Variants in NCOR1 observed in about 807,000 individuals in gnomAD.
NCOR1 encodes the protein nuclear receptor corepressor 1.
NCOR1 carries 63 observed loss-of-function variants against 288.1 expected under a neutral mutation model. The ratio of observed to expected loss-of-function variants is 0.22; its 90% CI spans 0.18 to 0.27. The LOEUF is 0.27. NCOR1 is among the 10% of genes least tolerant of loss of function. The probability of loss-of-function intolerance (pLI) is 1.00; values close to 1 mark genes in which losing one functional copy is unlikely to be tolerated. For missense variants in NCOR1, 2,397 were observed against 3,019.2 expected (o/e 0.79, Z 4.83); for synonymous variants, 1,007 against 1,065.9 (o/e 0.94, Z 1.08).
intron 22 of NCOR1, chr17:16,091,434 G>T: frequency 2.0e-6 from 1 of 488,264 alleles, no homozygotes; most frequent in Non-Finnish European, 2.7e-6. Context: ...TGAAGGCTTA[G>T]CCAGCGTCTG....
At chr17:16,075,726 A>G (rs2062360866) in intron 26 of NCOR1, 24 bp from the exon 27 acceptor site, 2 of 1,612,354 alleles carry the variant, frequency 1.2e-6, no homozygotes, top group African/African-American at 2.7e-5. Context: ...AAGCATAAAT[A>G]GCAGAGGAGT....
chr17:16,029,520 G>A lies in NCOR1; in HGVS notation c.*2776C>T. Reference sequence around the variant, plus strand: ...ATAAACATGCAGTGGAAAACTGGCTGTCAGAATACTTTTATGAAGAGTATT... The same window carrying A: ...ATAAACATGCAGTGGAAAACTGGCTATCAGAATACTTTTATGAAGAGTATT... On this transcript the variant is annotated 3_prime_UTR_variant, in exon 46 of 46. Coordinates refer to ENST00000268712, the MANE Select transcript of NCOR1 (RefSeq NM_006311.4). 1 of 250,200 alleles carries A rather than the reference G, an allele frequency of 4.0e-6. No homozygotes were observed. Among genetic ancestry groups the A allele is most frequent in the Non-Finnish European group, 8.0e-6 (1 of 125,378 alleles). 15.5% of individuals were successfully genotyped at this position (250,200 alleles called of 1,614,324 possible).
chr17:16,188,808 T>C (rs2087386239), intron 2 of NCOR1, among the ~76,000 whole-genome samples: 1 of 151,572 alleles, frequency 6.6e-6, no homozygotes, highest in Non-Finnish European at 1.5e-5. Context: ...GCGGATCCCT[T>C]GAGGTCAGGA....
At chr17:16,132,214 T>A (rs7214600) in intron 14 of NCOR1, among the ~76,000 whole-genome samples, 2,742 of 152,244 alleles carry the variant, frequency 0.018, 84 homozygotes, top group African/African-American at 0.062. Context: ...TGAATTCCTG[T>A]GGAAAGTAAT....
rs976148077 is a variant in NCOR1, at chr17:16,064,474, G to A, written c.5102-287C>T. ...AAAAATTAGCCAGGTGTGGTGGCGC[G>A]CACCTGTAATCCCAGCTACTCCAGA... On this transcript the variant is annotated intron_variant, in intron 34 of 45. Coordinates refer to ENST00000268712, the MANE Select transcript of NCOR1 (RefSeq NM_006311.4). Among the ~76,000 whole-genome samples, 17 of 151,786 alleles carry A rather than the reference G, an allele frequency of 1.1e-4. No individual in the cohort carries two copies. In the South Asian group the frequency reaches 1.5e-3, roughly 13 times the overall value.
In NCOR1 at chr17:16,030,517, CTG is replaced by C. The variant is rs1198006033; in HGVS notation, c.*1777_*1778del. Reference sequence around the variant, plus strand: ...TGAAAAAAAAAAATTCAGCAGAAAACTGTGAAGTGGAACATTTAGTCACTGTT... The same window carrying C: ...TGAAAAAAAAAAATTCAGCAGAAAACTGAAGTGGAACATTTAGTCACTGTT... On this transcript the variant is annotated 3_prime_UTR_variant, in exon 46 of 46. Coordinates refer to ENST00000268712, the MANE Select transcript of NCOR1 (RefSeq NM_006311.4). 1 of 195,174 alleles carries C rather than the reference CTG, an allele frequency of 5.1e-6. No individual in the cohort carries two copies. Among genetic ancestry groups the C allele is most frequent in the African/African-American group, 2.3e-5 (1 of 43,016 alleles). The allele number at this position is 195,174 out of a possible 1,614,324, so 12.1% of individuals were successfully genotyped here.
rs116047214 is a variant in NCOR1, at chr17:16,195,632, G to A, written c.-70-993C>T. On this transcript the variant is annotated intron_variant, in intron 1 of 45. Coordinates refer to ENST00000268712, the MANE Select transcript of NCOR1 (RefSeq NM_006311.4). ...GTATTATGAGGTTTCATATCCAGCA[G>A]GACAAGTTTCACCTCATTGTGCTTT... Among the ~76,000 whole-genome samples the A allele has an allele frequency of 1.2e-3, 177 of 152,300 alleles. 1 individual carries two copies. Among genetic ancestry groups the A allele is most frequent in the African/African-American group, 4.1e-3 (169 of 41,550 alleles).
chr17:16,176,128 A>G (rs1409664604), intron 3 of NCOR1, among the ~76,000 whole-genome samples: 1 of 152,152 alleles, frequency 6.6e-6, no homozygotes, highest in Non-Finnish European at 1.5e-5. Context: ...CTGAGGTAGG[A>G]GAATCACTTG....
At chr17:16,162,167 T>C (rs1427605538) in intron 5 of NCOR1, among the ~76,000 whole-genome samples, 1 of 151,952 alleles carries the variant, frequency 6.6e-6, no homozygotes, top group Non-Finnish European at 1.5e-5. Context: ...AACATAGTTG[T>C]TGAAATTGAA....
At chr17:16,114,136 C>T (rs1014123652) in intron 18 of NCOR1, among the ~76,000 whole-genome samples, 23 of 54,272 alleles carry the variant, frequency 4.2e-4, no homozygotes, top group Non-Finnish European at 7.2e-4. Flanking sequence ...TACATGATGG[C>T]GGCAGGCAAA....
At chr17:16,123,510 T>A (rs2073425213) in intron 15 of NCOR1, among the ~76,000 whole-genome samples, 1 of 152,160 alleles carries the variant, frequency 6.6e-6, no homozygotes, top group South Asian at 2.1e-4. Flanking sequence ...TCCATTCTAA[T>A]CCCTTTCTAA....
intron 23 of NCOR1, among the ~76,000 whole-genome samples, chr17:16,083,661 G>A (rs1046546065): frequency 5.3e-5 from 8 of 150,820 alleles, no homozygotes; most frequent in South Asian, 2.1e-4. Context: ...AAACATCCTC[G>A]TAAAATAGTT....
At chr17:16,179,202 A>G (rs951301981) in intron 3 of NCOR1, among the ~76,000 whole-genome samples, 4 of 152,218 alleles carry the variant, frequency 2.6e-5, no homozygotes, top group African/African-American at 9.6e-5. Flanking sequence ...AAAATTGCTG[A>G]AATCAGAAAG....
At position 16,092,681 on chromosome 17, in the gene NCOR1, ATATATATATATATATT is replaced by A. The variant is rs1806776869; in HGVS notation, c.2821-639_2821-624del. Among the ~76,000 whole-genome samples, 9 of 19,952 alleles carry A rather than the reference ATATATATATATATATT, an allele frequency of 4.5e-4. 1 individual carries two copies. The highest frequency in any genetic ancestry group is 1.6e-3 in the African/African-American group (7 of 4,302). 13.1% of individuals were successfully genotyped at this position (19,952 alleles called of 152,430 possible). On this transcript the variant is annotated intron_variant, in intron 21 of 45. Coordinates refer to ENST00000268712, the MANE Select transcript of NCOR1 (RefSeq NM_006311.4). ...TATATATATATATATATATATATAT[ATATATATATATATATT>A]TTTTTTTTTTTTTTTTTTTAAGACA...
At position 16,126,124 on chromosome 17, in the gene NCOR1, T is replaced by C. The variant is rs766917667; in HGVS notation, c.1592A>G (p.Glu531Gly). ...KAEKTEKKEE[E>G]KKDEEEKDEK... ...ATCTTTTTCCTCTTCATCTTTCTTTTCTTCTTCTTTTTTTTCTGTTTTTTC... is the reference window on the plus strand; with the variant it reads ...ATCTTTTTCCTCTTCATCTTTCTTTCCTTCTTCTTTTTTTTCTGTTTTTTC... The change falls in exon 15 of 46, where the codon GAA (glutamate) becomes GGA (glycine). Residue 531 changes from glutamate (E) to glycine (G), a missense_variant. Coordinates refer to ENST00000268712, the MANE Select transcript of NCOR1 (RefSeq NM_006311.4). 18 of 1,519,866 alleles carry C rather than the reference T, an allele frequency of 1.2e-5. No homozygotes were observed. Among genetic ancestry groups the C allele is most frequent in the Non-Finnish European group, 1.6e-5 (18 of 1,116,974 alleles). The allele number at this position is 1,519,866 out of a possible 1,614,324, so 94.1% of individuals were successfully genotyped here.
intron 14 of NCOR1, among the ~76,000 whole-genome samples, chr17:16,136,738 C>A (rs1367303910): frequency 4.2e-5 from 6 of 142,580 alleles, no homozygotes. Flanking sequence ...ACCCAGGAGG[C>A]GGAGGTTGCA....
chr17:16,210,121 C>T (rs76852909), intron 1 of NCOR1, among the ~76,000 whole-genome samples: 2 of 151,768 alleles, frequency 1.3e-5, no homozygotes, highest in East Asian at 1.9e-4. Context: ...TGGTGGCTCA[C>T]GCCTGTAATC....
At chr17:16,211,265 T>A (rs974153669) in intron 1 of NCOR1, among the ~76,000 whole-genome samples, 2 of 45,824 alleles carry the variant, frequency 4.4e-5, no homozygotes, top group Non-Finnish European at 1.4e-4. Flanking sequence ...TTTTATTTAT[T>A]TTTTTTTTTG....
Position 16,126,329 on chromosome 17 carries a change from G to C in NCOR1, c.1510-123C>G, listed in dbSNP as rs149482223. The C allele has an allele frequency of 5.5e-3, 5,446 of 986,972 alleles. 67 individuals carry two copies. The highest frequency in any genetic ancestry group is 0.03 in the South Asian group (1,241 of 41,010). 61.1% of individuals were successfully genotyped at this position (986,972 alleles called of 1,614,324 possible). A position where few individuals can be genotyped will look rare whatever the true frequency, so the allele number is the denominator to read the frequency against. ...TTGTTAGTCATTTACAATGTAACTGGTGATCGTGTGTTAAAAACCAGTCTA... is the reference window on the plus strand; with the variant it reads ...TTGTTAGTCATTTACAATGTAACTGCTGATCGTGTGTTAAAAACCAGTCTA... On this transcript the variant is annotated intron_variant, in intron 14 of 45. Coordinates refer to ENST00000268712, the MANE Select transcript of NCOR1 (RefSeq NM_006311.4).
Sources: gnomAD v4.1 joint callset for allele counts (sites outside exome capture counted in the v4.1 genomes callset) on GRCh38, gnomAD v4.1.1 for gene constraint, MANE v1.5 for transcripts, NCBI Gene and HGNC (gene_info 2026-07-23, HGNC 2026-07-21) for gene names.